HIKESHI: variants seen among roughly 807,000 people sequenced by gnomAD.
HIKESHI encodes heat shock protein nuclear import factor hikeshi.
A neutral mutation model predicts 25.7 loss-of-function variants in HIKESHI; 13 were observed. That is an observed-to-expected ratio of 0.51 (90% CI 0.33 to 0.80). The LOEUF is 0.80. Ranked by LOEUF, HIKESHI falls within the 30% of genes least tolerant of loss-of-function variation. The probability of loss-of-function intolerance (pLI) is 0.02; values close to 1 mark genes in which losing one functional copy is unlikely to be tolerated. For missense variants in HIKESHI, 174 were observed against 229.5 expected, an observed-to-expected ratio of 0.76 and a Z score of 1.56; for synonymous variants, 76 against 78.7, an observed-to-expected ratio of 0.97 and a Z score of 0.18.
At chr11:86,345,274 A>C (rs976639188) in intron 4 of HIKESHI, 1 of 405,760 alleles carries the variant, frequency 2.5e-6, no homozygotes, top group African/African-American at 2.1e-5. Flanking sequence ...GAATGAGGAA[A>C]TAGGAGTTGA....
At chr11:86,344,117 G>A (rs1947805052) in intron 3 of HIKESHI, 1 of 152,272 alleles carries the variant, frequency 6.6e-6, no homozygotes, top group South Asian at 2.1e-4. Context: ...TTTCTGGCAG[G>A]TAAAAGACTT....
At chr11:86,318,584 C>G (rs573318945) in intron 2 of HIKESHI, among the ~76,000 whole-genome samples, 1 of 151,862 alleles carries the variant, frequency 6.6e-6, no homozygotes, top group South Asian at 2.1e-4. Flanking sequence ...TGGCCTTTGT[C>G]AATTTTATTT....
At chr11:86,330,466 C>T (rs1947393886) in intron 2 of HIKESHI, among the ~76,000 whole-genome samples, 1 of 152,206 alleles carries the variant, frequency 6.6e-6, no homozygotes, top group Non-Finnish European at 1.5e-5. Context: ...AAGCCAAAAG[C>T]TCTATTTAGA....
Position 86,313,423 on chromosome 11 carries a change from G to A in HIKESHI, c.268+6941G>A, listed in dbSNP as rs58190047. On this transcript the variant is annotated intron_variant, in intron 2 of 4. Coordinates refer to ENST00000278483, the MANE Select transcript of HIKESHI (RefSeq NM_016401.4). ...TTTTTTGTATTTTTAGTAGAGATGGGGTTTCACCATGTCAGCCAGGCTGGT... is the reference window on the plus strand; with the variant it reads ...TTTTTTGTATTTTTAGTAGAGATGGAGTTTCACCATGTCAGCCAGGCTGGT... Among the ~76,000 whole-genome samples, 10 of 152,106 alleles carry A rather than the reference G, an allele frequency of 6.6e-5. No individual in the cohort carries two copies. The East Asian group carries it at 1.7e-3, about 26-fold the overall frequency.
At chr11:86,315,645 C>T (rs1328555854) in intron 2 of HIKESHI, among the ~76,000 whole-genome samples, 2 of 151,852 alleles carry the variant, frequency 1.3e-5, no homozygotes, top group Non-Finnish European at 2.9e-5. Flanking sequence ...TTTCAAAACT[C>T]ATTCTAAAGT....
intron 2 of HIKESHI, among the ~76,000 whole-genome samples, chr11:86,330,938 T>C (rs1157470495): frequency 6.6e-6 from 1 of 152,086 alleles, no homozygotes; most frequent in Non-Finnish European, 1.5e-5. Context: ...GTAACAGCTA[T>C]GAACAGTGAT....
At chr11:86,345,393 C>T (rs2138442855) in intron 4 of HIKESHI, 191 bp from the exon 5 acceptor site, 1 of 471,024 alleles carries the variant, frequency 2.1e-6, no homozygotes, top group East Asian at 3.8e-5. Context: ...ATCAAAACTG[C>T]CCCGATATTT....
chr11:86,310,177 A>G (rs1946795766), intron 2 of HIKESHI, among the ~76,000 whole-genome samples: 1 of 147,582 alleles, frequency 6.8e-6, no homozygotes, highest in Non-Finnish European at 1.5e-5. Flanking sequence ...TTTTCACAAT[A>G]TTGATTCGTC....
At chr11:86,333,144 A>C (rs1271020751) in intron 2 of HIKESHI, among the ~76,000 whole-genome samples, 4 of 152,236 alleles carry the variant, frequency 2.6e-5, no homozygotes, top group African/African-American at 9.6e-5. Context: ...GGATCATATA[A>C]GCAAAATTAC....
At chr11:86,316,771 CTTTTTTTTTTTTTTTTTTT>C (rs71040229) in intron 2 of HIKESHI, among the ~76,000 whole-genome samples, 37 of 68,790 alleles carry the variant, frequency 5.4e-4, no homozygotes, top group African/African-American at 1.3e-3. Flanking sequence ...CTGAAACATT[CTTTTTTTTTTTTTTTTTTT>C]TTTTTTTTTT....
intron 2 of HIKESHI, among the ~76,000 whole-genome samples, chr11:86,328,817 T>C (rs1006988426): frequency 1.3e-5 from 2 of 151,934 alleles, no homozygotes; most frequent in Non-Finnish European, 2.9e-5. Flanking sequence ...TCTTGAGTAA[T>C]CCACCTGCCG....
chr11:86,303,504 C>A (rs994078683), intron 1 of HIKESHI: 1 of 480,106 alleles, frequency 2.1e-6, no homozygotes, highest in Non-Finnish European at 2.7e-6. Flanking sequence ...AAAGGACAAA[C>A]CTGGAATGAT....
At chr11:86,336,360 A>G (rs1947561121) in intron 2 of HIKESHI, among the ~76,000 whole-genome samples, 1 of 152,186 alleles carries the variant, frequency 6.6e-6, no homozygotes, top group Non-Finnish European at 1.5e-5. Flanking sequence ...TTAAATTTAT[A>G]TGCTGAAATC....
rs1197125983 is a variant in HIKESHI, at chr11:86,307,012, A to AATAT, written c.268+544_268+547dup. 1.5e-5 allele frequency among the ~76,000 whole-genome samples: 2 copies of AATAT among 129,468 alleles called. 1 individual carries two copies. Among genetic ancestry groups the AATAT allele is most frequent in the Admixed American group, 1.6e-4 (2 of 12,364 alleles). 84.9% of individuals were successfully genotyped at this position (129,468 alleles called of 152,430 possible). A position where few individuals can be genotyped will look rare whatever the true frequency, so the allele number is the denominator to read the frequency against. On this transcript the variant is annotated intron_variant, in intron 2 of 4. Transcript: ENST00000278483. ...GAGACTCTGTCTCAAAGAAAAAAAAAATATATATATATATATAAATATATA... is the reference window on the plus strand; with the variant it reads ...GAGACTCTGTCTCAAAGAAAAAAAAAATATATATATATATATATATAAATATATA...
At chr11:86,307,711 AATAT>A (rs1267600031) in intron 2 of HIKESHI, among the ~76,000 whole-genome samples, 1 of 103,002 alleles carries the variant, frequency 9.7e-6, no homozygotes, top group Admixed American at 1.4e-4. Flanking sequence ...CATTATATAA[AATAT>A]ATATTATGTG....
rs1946512829 is a variant in HIKESHI, at chr11:86,302,285, C to CG, written c.-159dup. 1 of 767,570 alleles carries CG rather than the reference C, an allele frequency of 1.3e-6. No individual in the cohort carries two copies. The highest frequency in any genetic ancestry group is 1.7e-5 in the African/African-American group (1 of 58,178). 47.5% of individuals were successfully genotyped at this position (767,570 alleles called of 1,614,324 possible). A position where few individuals can be genotyped will look rare whatever the true frequency, so the allele number is the denominator to read the frequency against. ...CTTAGGAAGAGAAGGTCAGAGTTCG[C>CG]GGGGGCAGAGGCATTCTTGCCGCTG... On this transcript the variant is annotated 5_prime_UTR_variant, in exon 1 of 5. Transcript: ENST00000278483.
At chr11:86,344,540 A>T in intron 3 of HIKESHI, 63 bp from the exon 4 acceptor site, 1 of 968,670 alleles carries the variant, frequency 1.0e-6, no homozygotes, top group Non-Finnish European at 1.5e-6. Context: ...CTTTTAATTT[A>T]AAAATATTGA....
At chr11:86,309,979 C>T (rs1268487260) in intron 2 of HIKESHI, among the ~76,000 whole-genome samples, 1 of 150,730 alleles carries the variant, frequency 6.6e-6, no homozygotes, top group Non-Finnish European at 1.5e-5. Context: ...CCTTGTAGTA[C>T]AGTTTGAAGT....
intron 2 of HIKESHI, among the ~76,000 whole-genome samples, chr11:86,334,246 G>GTT (rs1947489818): frequency 8.4e-6 from 1 of 118,954 alleles, no homozygotes; most frequent in African/African-American, 3.3e-5. Flanking sequence ...ATGTGTGTGT[G>GTT]TGTGTGTGTG....
Sources: gnomAD v4.1 joint callset for allele counts (sites outside exome capture counted in the v4.1 genomes callset) on GRCh38, gnomAD v4.1.1 for gene constraint, MANE v1.5 for transcripts, NCBI Gene and HGNC (gene_info 2026-07-23, HGNC 2026-07-21) for gene names.